Variants in PLXNB3 observed in about 807,000 individuals in gnomAD.
PLXNB3 encodes plexin B3.
In PLXNB3, 80 loss-of-function variants were observed where a neutral mutation model predicts 125.7. The observed-to-expected ratio is 0.64, with a 90% confidence interval of 0.53 to 0.77. The LOEUF (loss-of-function observed/expected upper bound fraction) is 0.77, where lower values mean the gene tolerates loss of function less well. Ranked by LOEUF, PLXNB3 falls within the 30% of genes least tolerant of loss-of-function variation. The probability of loss-of-function intolerance (pLI) is 0.00; values close to 1 mark genes in which losing one functional copy is unlikely to be tolerated. For synonymous variants in PLXNB3, 954 were observed against 783.3 expected (o/e 1.22, Z -3.64); for missense variants, 1,836 against 1,729.3 (o/e 1.06, Z -1.09).
intron 6 of PLXNB3, among the ~76,000 whole-genome samples, 153 bp downstream of exon 6, chrX:153,769,415 A>G (rs1316644683): frequency 9.0e-6 from 1 of 110,951 alleles, no homozygotes; most frequent in Non-Finnish European, 1.9e-5. Flanking sequence ...GCCCCATCTC[A>G]CTGAGCCGTC....
At chrX:153,764,720 C>T (rs1186917249) in intron 1 of PLXNB3, among the ~76,000 whole-genome samples, 1 of 112,690 alleles carries the variant, frequency 8.9e-6, no homozygotes, top group African/African-American at 3.2e-5. Flanking sequence ...GTGCCACTGG[C>T]CAGGGTGGCC....
rs1557061158 is a variant in PLXNB3, at chrX:153,770,236, C to G, written c.1774C>G (p.Pro592Ala). The change falls in exon 8 of 36, where the codon CCT becomes GCT. Residue 592 changes from proline (P) to alanine (A), a missense_variant. Coordinates refer to ENST00000361971, the MANE Select transcript of PLXNB3 (RefSeq NM_005393.3). ...TPPQDQVPLN[P>A]PGTDHVTVPL... ...TCCCCAAGACCAGGTGCCACTTAAC[C>G]CTCCAGGCACAGGTGAGTGGCCCAT... is the stretch of plus-strand genomic sequence containing the variant. 9 of 1,210,798 alleles carry G rather than the reference C, an allele frequency of 7.4e-6. No homozygotes were observed. The highest frequency in any genetic ancestry group is 8.9e-6 in the Non-Finnish European group (8 of 895,313).
chrX:153,768,217 CG>C, intron 3 of PLXNB3, 31 bp from the exon 4 acceptor site: 1 of 1,161,371 alleles, frequency 8.6e-7, no homozygotes, highest in Non-Finnish European at 1.2e-6. Context: ...TGCTCTCTTC[CG>C]GGGGCTGATT....
At position 153,765,548 on chromosome X, in the gene PLXNB3, G is replaced by A. The variant is rs148108922; in HGVS notation, c.13G>A (p.Ala5Thr). 6.4e-5 allele frequency: 76 copies of A among 1,195,627 alleles called. No homozygotes were observed. Among genetic ancestry groups the A allele is most frequent in the Non-Finnish European group, 8.1e-5 (72 of 887,847 alleles). MCHA[A>T]QETPLLHHFM... ...CTGAACTGAGCGTATGTGCCACGCC[G>A]CCCAGGAGACCCCTCTGCTGCACCA... The change falls in exon 2 of 36, where the codon GCC becomes ACC. Residue 5 changes from alanine (A) to threonine (T), a missense_variant. Transcript: ENST00000361971.
chrX:153,766,386 A>C, intron 2 of PLXNB3: 1 of 1,086,869 alleles, frequency 9.2e-7, no homozygotes, highest in East Asian at 3.5e-5. Context: ...CTCTCACCTG[A>C]CTTAGATCTC....
rs138618805 is a variant in PLXNB3 at position 153,771,931 on chromosome X, G to A, written c.2585G>A (p.Arg862Gln). The A allele has an allele frequency of 8.3e-6, 10 of 1,208,491 alleles. No homozygotes were observed. Among genetic ancestry groups the A allele is most frequent in the African/African-American group, 6.9e-5 (4 of 57,710 alleles). ...ALTILGSNLGRAFADVQYAVS... is the reference protein window; with the variant it reads ...ALTILGSNLGQAFADVQYAVS... The stretch of plus-strand genomic sequence containing the variant: ...ACCATCCTGGGCTCCAACCTGGGCC[G>A]GGCCTTCGCCGATGTGCAGTACGCC... Residue 862 changes from arginine (R) to glutamine (Q), a missense_variant, in exon 15 of 36, where the codon CGG becomes CAG. Physicochemically the swap from Arg to Gln is conservative, Grantham distance 43. Coordinates refer to ENST00000361971, the MANE Select transcript of PLXNB3 (RefSeq NM_005393.3).
chrX:153,767,717 G>A lies in PLXNB3; in HGVS notation c.890G>A (p.Gly297Asp). The change falls in exon 3 of 36, where the codon GGC becomes GAC. Residue 297 changes from glycine to aspartate, a missense_variant. Gly to Asp is a moderately conservative substitution (Grantham distance 94). Coordinates refer to ENST00000361971, the MANE Select transcript of PLXNB3 (RefSeq NM_005393.3). ...ATCCAGGCCGCCTTCCTTGCCCCGG[G>A]CACCTTGCTAGGGGTGTTTGCCGCG... is the stretch of plus-strand genomic sequence containing the variant. ...GLIQAAFLAP[G>D]TLLGVFAAGP... The A allele has an allele frequency of 8.5e-7, 1 of 1,178,529 alleles. No homozygotes were observed.
rs966567963 is a variant in PLXNB3, at chrX:153,775,259, C to A, written c.4190C>A (p.Ser1397Tyr). Reference sequence around the variant, plus strand: ...ACCCTGGAGGAGCAGCCCAGCTTTTCCCAGAGGGATCGCTGCCATGTGGCT... The same window carrying A: ...ACCCTGGAGGAGCAGCCCAGCTTTTACCAGAGGGATCGCTGCCATGTGGCT... ...IHTLEEQPSF[S>Y]QRDRCHVASL... Residue 1397 changes from serine to tyrosine, a missense_variant, in exon 25 of 36, where the codon TCC (serine) becomes TAC (tyrosine). Ser to Tyr is a moderately radical substitution (Grantham distance 144). Coordinates refer to ENST00000361971, the MANE Select transcript of PLXNB3 (RefSeq NM_005393.3). The A allele has an allele frequency of 5.0e-6, 6 of 1,199,869 alleles. No homozygotes were observed. Among genetic ancestry groups the A allele is most frequent in the Admixed American group, 2.2e-5 (1 of 44,501 alleles).
intron 2 of PLXNB3, chrX:153,766,662 T>C: frequency 4.0e-6 from 3 of 751,394 alleles, no homozygotes; most frequent in Non-Finnish European, 4.7e-6. Flanking sequence ...GCTCCAGCTC[T>C]TGGACACTGT....
rs1557061764 is a variant in PLXNB3 at position 153,771,299 on chromosome X, T to C, written c.2254-11T>C. 3.3e-6 allele frequency: 4 copies of C among 1,197,396 alleles called. No homozygotes were observed. The Admixed American group carries it at 8.7e-5, about 26-fold the overall frequency. On this transcript the variant is annotated splice_polypyrimidine_tract_variant and intron_variant, in intron 12 of 35. Transcript: ENST00000361971. Reference sequence around the variant, plus strand: ...GTGGGCACCCAGCCTGACCCCACACTCTGCCCACAGTTTTATCCCTCCATG... The same window carrying C: ...GTGGGCACCCAGCCTGACCCCACACCCTGCCCACAGTTTTATCCCTCCATG...
chrX:153,776,751 G>T, intron 28 of PLXNB3, 136 bp from the exon 29 acceptor site: 1 of 355,741 alleles, frequency 2.8e-6, no homozygotes, highest in Non-Finnish European at 4.6e-6. Flanking sequence ...GGGAAGGGCA[G>T]GGATGGGGTG....
chrX:153,768,612 C>T (rs113088249), intron 4 of PLXNB3, among the ~76,000 whole-genome samples, 184 bp downstream of exon 4: 33 of 112,901 alleles, frequency 2.9e-4, no homozygotes, highest in East Asian at 2.0e-3. Flanking sequence ...TGGTGGCTCA[C>T]GGTGAAGGTG....
At chrX:153,778,193 G>A (rs1264194096) in intron 32 of PLXNB3, 68 bp from the exon 33 acceptor site, 4 of 1,193,196 alleles carry the variant, frequency 3.4e-6, no homozygotes, top group Admixed American at 2.2e-5. Context: ...TGGGTGGGCA[G>A]TGGCAGCATC....
chrX:153,770,213 C>T lies in PLXNB3; in HGVS notation c.1751C>T (p.Pro584Leu). 1.7e-6 allele frequency: 2 copies of T among 1,211,236 alleles called. No individual in the cohort carries two copies. The highest frequency in any genetic ancestry group is 2.2e-6 in the Non-Finnish European group (2 of 895,508). ...CCCCACGTGGCCTGTGTCACCCCTCCCCAAGACCAGGTGCCACTTAACCCT... is the reference window on the plus strand; with the variant it reads ...CCCCACGTGGCCTGTGTCACCCCTCTCCAAGACCAGGTGCCACTTAACCCT... ...EGPHVACVTP[P>L]QDQVPLNPPG... Residue 584 changes from proline (P) to leucine (L), a missense_variant, in exon 8 of 36, where the codon CCC (proline) becomes CTC (leucine). Transcript: ENST00000361971.
rs782405052 is a variant in PLXNB3, at chrX:153,769,682, C to T, written c.1497-125C>T. ...CCCCTTTCTCTCTGGACACAGTCCC[C>T]TTCACGCCTCCTGCTCATTGCACCC... On this transcript the variant is annotated intron_variant, in intron 6 of 35. Coordinates refer to ENST00000361971, the MANE Select transcript of PLXNB3 (RefSeq NM_005393.3). 11 of 727,212 alleles carry T rather than the reference C, an allele frequency of 1.5e-5. No individual in the cohort carries two copies. The East Asian group carries it at 2.8e-4, about 19-fold the overall frequency. The allele number at this position is 727,212 out of a possible 1,213,427, so 59.9% of individuals were successfully genotyped here.
intron 2 of PLXNB3, chrX:153,765,931 C>T (rs1217808608): frequency 1.3e-6 from 1 of 752,995 alleles, no homozygotes; most frequent in African/African-American, 2.3e-5. Flanking sequence ...CGGGGTCCCA[C>T]CAGGCACACC....
At position 153,770,965 on chromosome X, in the gene PLXNB3, GGCCT is replaced by G; in HGVS notation, c.2146_2149del (p.Ala716ProfsTer67). 8.3e-7 allele frequency: 1 copy of G among 1,210,399 alleles called. No homozygotes were observed. Among genetic ancestry groups the G allele is most frequent in the Non-Finnish European group, 1.1e-6 (1 of 894,974 alleles). ...CACTCCTGACAGCGTCCTTCCCCAG[GGCCT>G]GCCTGCCTCCTTCCACTGCTGGCTG... On this transcript the variant is annotated frameshift_variant and splice_region_variant, in exon 12 of 36. Coordinates refer to ENST00000361971, the MANE Select transcript of PLXNB3 (RefSeq NM_005393.3). LOFTEE classifies it high-confidence loss of function.
chrX:153,775,102 C>T lies in PLXNB3; in HGVS notation c.4154C>T (p.Thr1385Met), dbSNP rs1557063587. The T allele has an allele frequency of 3.4e-6, 4 of 1,193,948 alleles. No individual in the cohort carries two copies. The highest frequency in any genetic ancestry group is 1.7e-5 in the African/African-American group (1 of 57,741). The part of the protein sequence containing the change: ...NLLNSKLFLL[T>M]LIHTLEEQPS... ...CTCAACAGCAAGCTCTTCCTCCTCA[C>T]GGTGAGGGCCGTGTGGCGGGAGTGC... is the stretch of plus-strand genomic sequence containing the variant. Residue 1385 changes from threonine to methionine, a missense_variant and splice_region_variant, in exon 24 of 36, where the codon ACG becomes ATG. By Grantham distance (81) the Thr-to-Met change is moderately conservative. Coordinates refer to ENST00000361971, the MANE Select transcript of PLXNB3 (RefSeq NM_005393.3).
In PLXNB3 at chrX:153,774,203, G is replaced by A; in HGVS notation, c.3537G>A (p.Leu1179=). The A allele has an allele frequency of 8.3e-7, 1 of 1,203,967 alleles. No individual in the cohort carries two copies. The highest frequency in any genetic ancestry group is 1.1e-6 in the Non-Finnish European group (1 of 894,848). The change falls in exon 21 of 36, where the codon CTG becomes CTA. Residue 1179 remains leucine (L), a synonymous_variant. Coordinates refer to ENST00000361971, the MANE Select transcript of PLXNB3 (RefSeq NM_005393.3). ...VLDVEGEGLN[L]GISKEEVRVH... ...TGTCCCAGGGCGAGGGCCTCAACCT[G>A]GGCATCAGCAAGGAGGAGGTGCGCG...
Sources: gnomAD v4.1 joint callset for allele counts (sites outside exome capture counted in the v4.1 genomes callset) on GRCh38, gnomAD v4.1.1 for gene constraint, MANE v1.5 for transcripts, NCBI Gene and HGNC (gene_info 2026-07-23, HGNC 2026-07-21) for gene names.